CEACAM19: variants seen among roughly 807,000 people sequenced by gnomAD.
CEACAM19 encodes the protein CEA cell adhesion molecule 19.
CEACAM19 carries 37 observed loss-of-function variants against 37.6 expected under a neutral mutation model. The ratio of observed to expected loss-of-function variants is 0.98; its 90% confidence interval spans 0.76 to 1.29. The LOEUF (loss-of-function observed/expected upper bound fraction) is 1.29. Ranked by LOEUF, CEACAM19 falls within the 50% of genes most tolerant of loss-of-function variation. The pLI is 0.00. For synonymous variants in CEACAM19, 140 were observed against 149.8 expected (o/e 0.93, Z 0.48); for missense variants, 340 against 375.6 (o/e 0.91, Z 0.78).
At chr19:44,669,613 C>T (rs996775754), upstream of CEACAM19, among the ~76,000 whole-genome samples, 6 of 152,192 alleles carry the variant, frequency 3.9e-5, no homozygotes, top group Non-Finnish European at 7.4e-5. Flanking sequence ...ATATTGCAAC[C>T]TCCTCAATAC....
chr19:44,668,484 A>AATATAT (rs1318524622), upstream of CEACAM19, among the ~76,000 whole-genome samples: 3 of 63,250 alleles, frequency 4.7e-5, 1 homozygote, highest in African/African-American at 2.4e-4. Context: ...TAATATATAT[A>AATATAT]TTATATATAT....
intron 3 of CEACAM19, among the ~76,000 whole-genome samples, chr19:44,676,762 T>A (rs1413862202): frequency 6.6e-6 from 1 of 152,092 alleles, no homozygotes. Flanking sequence ...TAGCTGAGAC[T>A]ACAGGTGTGC....
intron 2 of CEACAM19, among the ~76,000 whole-genome samples, chr19:44,674,418 C>G (rs1016018915): frequency 1.3e-5 from 2 of 152,058 alleles, no homozygotes; most frequent in African/African-American, 4.8e-5. Flanking sequence ...AATCCTTCCA[C>G]CTTGGCCTCC....
intron 3 of CEACAM19, among the ~76,000 whole-genome samples, 196 bp downstream of exon 3, chr19:44,676,617 T>C (rs1028101330): frequency 6.6e-6 from 1 of 152,170 alleles, no homozygotes; most frequent in Admixed American, 6.5e-5. Context: ...ATTCTTAAAC[T>C]GACTTACCAA....
At chr19:44,677,217 C>T (rs575951574) in intron 3 of CEACAM19, among the ~76,000 whole-genome samples, 1 of 152,316 alleles carries the variant, frequency 6.6e-6, no homozygotes, top group South Asian at 2.1e-4. Flanking sequence ...ATGAACCAAT[C>T]ACTGTGGCCA....
upstream of CEACAM19, among the ~76,000 whole-genome samples, chr19:44,668,756 TAA>T (rs1250828996): frequency 1.1e-5 from 1 of 94,186 alleles, no homozygotes; most frequent in South Asian, 2.6e-4. Flanking sequence ...TAATATAATA[TAA>T]TATATATAAT....
In CEACAM19 at chr19:44,683,467, T is replaced by C. The variant is rs760120330; in HGVS notation, c.877T>C (p.Cys293Arg). 1.3e-6 allele frequency: 2 copies of C among 1,563,800 alleles called. No individual in the cohort carries two copies. Among genetic ancestry groups the C allele is most frequent in the Non-Finnish European group, 1.7e-6 (2 of 1,152,266 alleles). Residue 293 changes from cysteine to arginine, a missense_variant, in exon 8 of 8, where the codon TGC becomes CGC. Physicochemically the swap from Cys to Arg is radical, Grantham distance 180 (BLOSUM62 -3). Transcript: ENST00000358777. Reference sequence around the variant, plus strand: ...GCTAAACCCCGACCCTGCCCCCTACTGCCAGCTGGTGCCAACTTCCTGATG... The same window carrying C: ...GCTAAACCCCGACCCTGCCCCCTACCGCCAGCTGGTGCCAACTTCCTGATG... ...DLLNPDPAPYCQLVPTS is the reference protein window; with the variant it reads ...DLLNPDPAPYRQLVPTS
intron 2 of CEACAM19, 115 bp downstream of exon 2, chr19:44,673,079 C>A: frequency 1.2e-6 from 1 of 859,176 alleles, no homozygotes; most frequent in Non-Finnish European, 1.6e-6. Flanking sequence ...ATTCACTTGA[C>A]ACATATTGAG....
Position 44,671,801 on chromosome 19 carries a change from G to A in CEACAM19, c.-131G>A, listed in dbSNP as rs1205793631. ...GACAGGGCATGCTGGGGCTGGGCCAGCCCCAGCGGTGTCTCTAAGGCACCC... is the reference window on the plus strand; with the variant it reads ...GACAGGGCATGCTGGGGCTGGGCCAACCCCAGCGGTGTCTCTAAGGCACCC... On this transcript the variant is annotated 5_prime_UTR_variant, in exon 1 of 8. Coordinates refer to ENST00000358777, the MANE Select transcript of CEACAM19 (RefSeq NM_001127893.3). The A allele has an allele frequency of 2.9e-6, 2 of 688,070 alleles. No individual in the cohort carries two copies. The highest frequency in any genetic ancestry group is 4.9e-6 in the Non-Finnish European group (2 of 404,212). The allele number at this position is 688,070 out of a possible 1,614,324, so 42.6% of individuals were successfully genotyped here.
chr19:44,670,963 C>T (rs573182700), upstream of CEACAM19, among the ~76,000 whole-genome samples: 4 of 151,948 alleles, frequency 2.6e-5, no homozygotes, highest in African/African-American at 7.2e-5. Flanking sequence ...GGCGTGGTGG[C>T]GCATGCCTGC....
rs1974059469 is a variant in CEACAM19, at chr19:44,681,518, G to A, written c.792+206G>A. Among the ~76,000 whole-genome samples, 5 of 152,206 alleles carry A rather than the reference G, an allele frequency of 3.3e-5. No homozygotes were observed. In the South Asian group the frequency reaches 1.0e-3, roughly 32 times the overall value. On this transcript the variant is annotated intron_variant, in intron 6 of 7. Transcript: ENST00000358777. The stretch of plus-strand genomic sequence containing the variant: ...GCAGCATTTGTCTCCGGGGTGTGGA[G>A]GCTGGTGGGTGGGTTTTATCTTCTT...
rs893260295 is a variant in CEACAM19, at chr19:44,676,479, T to G, written c.575+58T>G. 4 of 1,553,872 alleles carry G rather than the reference T, an allele frequency of 2.6e-6. No individual in the cohort carries two copies. In the African/African-American group the frequency reaches 5.4e-5, roughly 21 times the overall value. On this transcript the variant is annotated intron_variant, in intron 3 of 7. Transcript: ENST00000358777. ...GCTCCCACTGTCTTCTCAAGCCCCATGGATTCTTCCACAAGTCACATCATC... is the reference window on the plus strand; with the variant it reads ...GCTCCCACTGTCTTCTCAAGCCCCAGGGATTCTTCCACAAGTCACATCATC...
intron 2 of CEACAM19, among the ~76,000 whole-genome samples, chr19:44,675,923 A>T (rs962837190): frequency 4.6e-5 from 7 of 151,982 alleles, no homozygotes; most frequent in Non-Finnish European, 1.0e-4. Flanking sequence ...AAGGAGTTCC[A>T]TCTGGGACAT....
At chr19:44,682,744 T>G in intron 7 of CEACAM19, 124 bp downstream of exon 7, 1 of 865,498 alleles carries the variant, frequency 1.2e-6, no homozygotes, top group Non-Finnish European at 1.7e-6. Flanking sequence ...CCCCCAAGCC[T>G]CACGGTCTCT....
chr19:44,675,505 G>T (rs1328275584), intron 2 of CEACAM19, among the ~76,000 whole-genome samples: 1 of 152,086 alleles, frequency 6.6e-6, no homozygotes, highest in African/African-American at 2.4e-5. Context: ...AGCAGATTGG[G>T]TCTGGGCTCG....
chr19:44,668,749 TATA>T (rs1242322573), upstream of CEACAM19, among the ~76,000 whole-genome samples: 13 of 53,666 alleles, frequency 2.4e-4, no homozygotes, highest in Middle Eastern at 4.8e-3. Context: ...TATAATATAA[TATA>T]ATATAATATA....
Position 44,676,300 on chromosome 19 carries a change from C to T in CEACAM19, c.454C>T (p.Leu152=). 6.2e-7 allele frequency: 1 copy of T among 1,614,140 alleles called. No individual in the cohort carries two copies. The highest frequency in any genetic ancestry group is 8.5e-7 in the Non-Finnish European group (1 of 1,180,026). ...GAATAAGGAGCTGCCCAGTACACAC[C>T]TGCCCACCAACGCTGGGATCCTGGC... is the stretch of plus-strand genomic sequence containing the variant. ...EKNKELPSTH[L]PTNAGILAAT... The change falls in exon 3 of 8, where the codon CTG becomes TTG. Residue 152 remains leucine, a synonymous_variant. Transcript: ENST00000358777.
chr19:44,666,990 G>C (rs144714574), upstream of CEACAM19: 1 of 151,730 alleles, frequency 6.6e-6, no homozygotes, highest in African/African-American at 2.4e-5. Context: ...AGGTGAAGTC[G>C]TGTGCCACAA....
upstream of CEACAM19, among the ~76,000 whole-genome samples, chr19:44,670,491 A>G (rs1340722786): frequency 1.3e-5 from 2 of 151,826 alleles, no homozygotes; most frequent in Non-Finnish European, 2.9e-5. Context: ...CCTGGCCAAC[A>G]TGGCAAAACC....
Sources: gnomAD v4.1 joint callset for allele counts (sites outside exome capture counted in the v4.1 genomes callset) on GRCh38, gnomAD v4.1.1 for gene constraint, MANE v1.5 for transcripts, NCBI Gene and HGNC (gene_info 2026-07-23, HGNC 2026-07-21) for gene names.